Variants in SYT7 observed in about 807,000 individuals in gnomAD.
The protein encoded by SYT7 is synaptotagmin-7.
Under a neutral mutation model 75.1 loss-of-function variants are expected in SYT7, and 29 were observed. The ratio of observed to expected loss-of-function variants is 0.39; its 90% CI spans 0.29 to 0.53. The LOEUF (loss-of-function observed/expected upper bound fraction) is 0.53. Ranked by LOEUF, SYT7 falls within the 20% of genes least tolerant of loss-of-function variation. The pLI is 0.77. For missense variants in SYT7, 693 were observed against 953.2 expected, an observed-to-expected ratio of 0.73 and a Z score of 3.59; for synonymous variants, 376 against 401.7, an observed-to-expected ratio of 0.94 and a Z score of 0.76.
chr11:61,522,705 G>A (rs1381967480), intron 12 of SYT7, among the ~76,000 whole-genome samples: 1 of 152,118 alleles, frequency 6.6e-6, no homozygotes, highest in Non-Finnish European at 1.5e-5. Flanking sequence ...TCCCAACACT[G>A]CCCCACGCAG....
At chr11:61,575,446 A>T (rs575775402) in intron 1 of SYT7, among the ~76,000 whole-genome samples, 3 of 152,352 alleles carry the variant, frequency 2.0e-5, no homozygotes, top group Admixed American at 1.3e-4. Context: ...ACAAACACAC[A>T]GGCGAGATCA....
At position 61,542,150 on chromosome 11, in the gene SYT7, C is replaced by CT; in HGVS notation, c.941+60dup. On this transcript the variant is annotated intron_variant, in intron 6 of 12. Transcript: ENST00000539008. The surrounding 1 kb of genome is among the most constrained non-coding windows in gnomAD (Gnocchi z 7.8). ...CACAACCAGCTGCTCCCAAGGAGAT[C>CT]TGGGGGGCAGGAGGCTGGGTCAGGG... The CT allele has an allele frequency of 6.7e-7, 1 of 1,498,706 alleles. No homozygotes were observed. Among genetic ancestry groups the CT allele is most frequent in the Non-Finnish European group, 8.9e-7 (1 of 1,129,470 alleles). The allele number at this position is 1,498,706 out of a possible 1,614,324, so 92.8% of individuals were successfully genotyped here.
Position 61,580,811 on chromosome 11 carries a change from C to G in SYT7, c.10G>C (p.Asp4His), listed in dbSNP as rs2064241840. 1.6e-6 allele frequency: 2 copies of G among 1,286,018 alleles called. No homozygotes were observed. Among genetic ancestry groups the G allele is most frequent in the Non-Finnish European group, 2.0e-6 (2 of 1,014,084 alleles). The allele number at this position is 1,286,018 out of a possible 1,614,324, so 79.7% of individuals were successfully genotyped here. Residue 4 changes from aspartate to histidine, a missense_variant, in exon 1 of 13, where the codon GAC becomes CAC. Physicochemically the swap from Asp to His is moderately conservative, Grantham distance 81 (BLOSUM62 -1). Coordinates refer to ENST00000539008, the MANE Select transcript of SYT7 (RefSeq NM_001365809.2). The surrounding 1 kb of genome is among the most constrained non-coding windows in gnomAD (Gnocchi z 6.1). MYR[D>H]PEAASPGAPS... ...TTACCTGGGCTGGCCGCCTCCGGGT[C>G]CCGGTACATGGTCCCCTCGTCGCCG...
At position 61,556,197 on chromosome 11, in the gene SYT7, C is replaced by T. The variant is rs750524510; in HGVS notation, c.42G>A (p.Ser14=). 24 of 1,613,172 alleles carry T rather than the reference C, an allele frequency of 1.5e-5. No homozygotes were observed. The highest frequency in any genetic ancestry group is 1.7e-4 in the Middle Eastern group (1 of 5,936). The stretch of plus-strand genomic sequence containing the variant: ...TGGCAGAGACCAGCAGGACGTCGCG[C>T]GAGGGCGCCCCTGGGGAGGACAGGT... ...DPEAASPGAP[S]RDVLLVSAII... The change falls in exon 2 of 13, where the codon TCG becomes TCA. Residue 14 remains serine (S), a synonymous_variant. Coordinates refer to ENST00000539008, the MANE Select transcript of SYT7 (RefSeq NM_001365809.2).
chr11:61,515,161 G>A lies in SYT7; in HGVS notation c.*3466C>T, dbSNP rs1172742806. On this transcript the variant is annotated 3_prime_UTR_variant, in exon 13 of 13. Coordinates refer to ENST00000539008, the MANE Select transcript of SYT7 (RefSeq NM_001365809.2). ...GAGATCTGAGGATGGCTGGACACTCGGGAAGGGCCTGGTCACCAGTGAAGT... is the reference window on the plus strand; with the variant it reads ...GAGATCTGAGGATGGCTGGACACTCAGGAAGGGCCTGGTCACCAGTGAAGT... Among the ~76,000 whole-genome samples the A allele has an allele frequency of 3.3e-5, 5 of 152,204 alleles. No homozygotes were observed. The highest frequency in any genetic ancestry group is 2.1e-4 in the South Asian group (1 of 4,828).
chr11:61,555,211 G>A (rs1030336570), intron 2 of SYT7, among the ~76,000 whole-genome samples: 6 of 152,160 alleles, frequency 3.9e-5, no homozygotes, highest in African/African-American at 1.2e-4. Context: ...CACCATTCTC[G>A]GCCCGGGGAG....
At position 61,528,177 on chromosome 11, in the gene SYT7, T is replaced by C. The variant is rs761481925; in HGVS notation, c.1209A>G (p.Pro403=). The C allele has an allele frequency of 1.8e-5, 29 of 1,610,650 alleles. No homozygotes were observed. The highest frequency in any genetic ancestry group is 2.4e-5 in the Non-Finnish European group (28 of 1,179,746). ...SLTSEMLMLS[P]GSEEDEAHEG... is the part of the protein sequence containing the mutation. ...CGTGGGCCTCATCCTCCTCGGAGCC[T>C]GGGGAGAGCTGGGGGTGGGGGAGAG... The change falls in exon 9 of 13, where the codon CCA becomes CCG. Residue 403 remains proline (P), a synonymous_variant. Transcript: ENST00000539008.
chr11:61,562,847 C>T (rs568980177), intron 1 of SYT7, among the ~76,000 whole-genome samples: 1 of 151,916 alleles, frequency 6.6e-6, no homozygotes, highest in Non-Finnish European at 1.5e-5. Flanking sequence ...CGACTCCCAA[C>T]TCCTTCTCAT....
chr11:61,584,874 C>T (rs926759251), upstream of SYT7, among the ~76,000 whole-genome samples: 3 of 152,236 alleles, frequency 2.0e-5, no homozygotes, highest in African/African-American at 7.2e-5. Flanking sequence ...TCTCCCCTTC[C>T]AGCCCCTACA....
In SYT7 at chr11:61,523,891, G is replaced by A; in HGVS notation, c.1692C>T (p.Asn564=). The change falls in exon 11 of 13, where the codon AAC becomes AAT. Residue 564 remains asparagine, a synonymous_variant. Transcript: ENST00000539008. The surrounding 1 kb of genome is among the most constrained non-coding windows in gnomAD (Gnocchi z 5.0). ...LLSLCYNPSA[N]SIIVNIIKAR... ...CTTTGATGATGTTCACGATGATGGAGTTGGCAGAGGGGTTGTAGCAGAGAG... is the reference window on the plus strand; with the variant it reads ...CTTTGATGATGTTCACGATGATGGAATTGGCAGAGGGGTTGTAGCAGAGAG... 1 of 1,614,076 alleles carries A rather than the reference G, an allele frequency of 6.2e-7. No individual in the cohort carries two copies.
At chr11:61,527,021 G>A (rs984606955) in intron 9 of SYT7, among the ~76,000 whole-genome samples, 4 of 152,132 alleles carry the variant, frequency 2.6e-5, no homozygotes, top group Non-Finnish European at 4.4e-5. Flanking sequence ...TTGTCTAAGC[G>A]GGGTCCTGGC....
chr11:61,547,542 G>C (rs575742790), intron 3 of SYT7, among the ~76,000 whole-genome samples: 1 of 152,058 alleles, frequency 6.6e-6, no homozygotes, highest in South Asian at 2.1e-4. Context: ...ATGCACACAC[G>C]CACGCACTCG....
intron 3 of SYT7, among the ~76,000 whole-genome samples, chr11:61,548,995 C>A (rs563053860): frequency 6.6e-6 from 1 of 152,302 alleles, no homozygotes; most frequent in South Asian, 2.1e-4. Context: ...CCAGGGGAAC[C>A]TAATCCCTTG....
chr11:61,547,043 G>T, intron 4 of SYT7, 134 bp downstream of exon 4: 3 of 1,164,676 alleles, frequency 2.6e-6, no homozygotes, highest in Non-Finnish European at 2.4e-6. Flanking sequence ...GGGTGGATGG[G>T]TGGGGAAGTT....
chr11:61,538,089 T>C, intron 7 of SYT7, 55 bp downstream of exon 7: 1 of 1,529,058 alleles, frequency 6.5e-7, no homozygotes, highest in Non-Finnish European at 8.8e-7. Flanking sequence ...GCAGGCGGCC[T>C]CTCCGCGCCT....
intron 1 of SYT7, among the ~76,000 whole-genome samples, chr11:61,557,456 CA>C (rs1172919449): frequency 6.6e-6 from 1 of 152,206 alleles, no homozygotes; most frequent in Non-Finnish European, 1.5e-5. Context: ...GCCCAGCAGT[CA>C]CCCTCAGGGA....
intron 1 of SYT7, among the ~76,000 whole-genome samples, chr11:61,568,115 C>A (rs1440877307): frequency 6.6e-6 from 1 of 152,204 alleles, no homozygotes; most frequent in Non-Finnish European, 1.5e-5. Flanking sequence ...CAAACAAGAA[C>A]TTTGCCCATA....
chr11:61,558,397 G>A (rs1375712604), intron 1 of SYT7, among the ~76,000 whole-genome samples: 1 of 151,898 alleles, frequency 6.6e-6, no homozygotes, highest in Non-Finnish European at 1.5e-5. Flanking sequence ...GGGTTGGAGG[G>A]GGGCGGAGGT....
chr11:61,562,021 CACACACACAT>C (rs2063649571), intron 1 of SYT7, among the ~76,000 whole-genome samples: 1 of 151,352 alleles, frequency 6.6e-6, no homozygotes, highest in African/African-American at 2.4e-5. Context: ...TGCGCGCATG[CACACACACAT>C]GCATGCACAC....
Sources: gnomAD v4.1 joint callset for allele counts (sites outside exome capture counted in the v4.1 genomes callset) on GRCh38, gnomAD v4.1.1 for gene constraint, Gnocchi (gnomAD v3.1) non-coding constraint, MANE v1.5 for transcripts, NCBI Gene and HGNC (gene_info 2026-07-23, HGNC 2026-07-21) for gene names.